TRPM6: variants seen among roughly 807,000 people sequenced by gnomAD.
The protein encoded by TRPM6 is channel kinase 2.
A neutral mutation model predicts 247.6 loss-of-function variants in TRPM6; 111 were observed. The observed-to-expected ratio is 0.45, with a 90% CI of 0.38 to 0.52. The LOEUF (loss-of-function observed/expected upper bound fraction) is 0.52. TRPM6 is among the 20% of genes least tolerant of loss of function. The probability of loss-of-function intolerance (pLI) is 0.00; values close to 1 mark genes in which losing one functional copy is unlikely to be tolerated. For synonymous variants in TRPM6, 892 were observed against 853.8 expected (o/e 1.04, Z -0.78); for missense variants, 2,126 against 2,421.5 (o/e 0.88, Z 2.56).
rs535297166 is a variant in TRPM6 at position 74,744,515 on chromosome 9, C to G, written c.5084-370G>C. 1.1e-4 allele frequency among the ~76,000 whole-genome samples: 17 copies of G among 152,214 alleles called. No homozygotes were observed. In the East Asian group the frequency reaches 3.3e-3, roughly 29 times the overall value. On this transcript the variant is annotated intron_variant, in intron 31 of 38. Coordinates refer to ENST00000360774, the MANE Select transcript of TRPM6 (RefSeq NM_017662.5). ...TGAGCTCCCTACCAAGATGCAGTGC[C>G]CGTAGAAAGACAGTATTAATACCAA...
intron 3 of TRPM6, among the ~76,000 whole-genome samples, chr9:74,854,154 T>A (rs1223186860): frequency 2.0e-5 from 3 of 152,130 alleles, no homozygotes; most frequent in African/African-American, 7.2e-5. Context: ...ATTAGGACAT[T>A]TGGCTCTCCC....
intron 38 of TRPM6, among the ~76,000 whole-genome samples, chr9:74,726,302 G>C (rs894821185): frequency 4.6e-5 from 7 of 152,164 alleles, no homozygotes; most frequent in Admixed American, 4.6e-4. Flanking sequence ...CTGAGGTCAA[G>C]AGTTCGAGAC....
intron 1 of TRPM6, 145 bp downstream of exon 1, chr9:74,887,679 C>A: frequency 4.4e-6 from 7 of 1,605,038 alleles, no homozygotes; most frequent in South Asian, 1.1e-5. Flanking sequence ...ACTTGAAAGC[C>A]GGTATTTCAT....
intron 1 of TRPM6, among the ~76,000 whole-genome samples, chr9:74,874,617 T>C (rs1318117604): frequency 6.6e-6 from 1 of 152,168 alleles, no homozygotes; most frequent in African/African-American, 2.4e-5. Flanking sequence ...TGAGAAGAAA[T>C]ATATTTTATC....
intron 20 of TRPM6, among the ~76,000 whole-genome samples, chr9:74,786,522 G>A (rs568076242): frequency 2.1e-4 from 32 of 149,660 alleles, no homozygotes; most frequent in Non-Finnish European, 2.7e-4. Flanking sequence ...GGTGGATCAC[G>A]GAGGTCAGGA....
chr9:74,758,903 C>T (rs1195142446), intron 27 of TRPM6, among the ~76,000 whole-genome samples: 2 of 152,070 alleles, frequency 1.3e-5, no homozygotes, highest in Non-Finnish European at 2.9e-5. Context: ...TACACAATAT[C>T]TACTCAAGTA....
chr9:74,822,535 G>A (rs898174352), intron 7 of TRPM6, among the ~76,000 whole-genome samples: 3 of 151,826 alleles, frequency 2.0e-5, no homozygotes, highest in African/African-American at 7.3e-5. Context: ...AATTACAGGT[G>A]TGAGCCACCA....
rs751214375 is a variant in TRPM6, at chr9:74,812,450, TAAGA to T, written c.1309-21_1309-18del. Reference sequence around the variant, plus strand: ...GGCATCAGGCTTCAGAAAGCACAAATAAGAAATATAAAGACAATTAAGAAAGTAG... The same window carrying T: ...GGCATCAGGCTTCAGAAAGCACAAATAATATAAAGACAATTAAGAAAGTAG... On this transcript the variant is annotated intron_variant, in intron 11 of 38. Coordinates refer to ENST00000360774, the MANE Select transcript of TRPM6 (RefSeq NM_017662.5). The T allele has an allele frequency of 1.9e-6, 3 of 1,606,150 alleles. No homozygotes were observed. The highest frequency in any genetic ancestry group is 2.5e-6 in the Non-Finnish European group (3 of 1,176,742).
chr9:74,756,792 T>A (rs886362671), intron 27 of TRPM6, among the ~76,000 whole-genome samples: 7 of 150,358 alleles, frequency 4.7e-5, no homozygotes, highest in African/African-American at 1.7e-4. Flanking sequence ...GAGGTTGCAA[T>A]AAGCTGAGAT....
chr9:74,850,509 C>T lies in TRPM6; in HGVS notation c.152+5018G>A, dbSNP rs967845569. Reference sequence around the variant, plus strand: ...CTGAGGTGGGTGGATCACATGAGGTCGGGAGTTCAAGACCAGCCTGGCCAA... The same window carrying T: ...CTGAGGTGGGTGGATCACATGAGGTTGGGAGTTCAAGACCAGCCTGGCCAA... On this transcript the variant is annotated intron_variant, in intron 3 of 38. Transcript: ENST00000360774. Among the ~76,000 whole-genome samples, 5 of 152,038 alleles carry T rather than the reference C, an allele frequency of 3.3e-5. No homozygotes were observed. The South Asian group carries it at 6.2e-4, about 19-fold the overall frequency.
intron 23 of TRPM6, among the ~76,000 whole-genome samples, chr9:74,778,466 G>C (rs1171771437): frequency 6.6e-6 from 1 of 152,236 alleles, no homozygotes; most frequent in African/African-American, 2.4e-5. Flanking sequence ...GGCTCAGGGG[G>C]CACCAGCTTT....
At chr9:74,817,001 G>C (rs915999438) in intron 9 of TRPM6, 37 bp from the exon 10 acceptor site, 3 of 1,533,290 alleles carry the variant, frequency 2.0e-6, no homozygotes, top group Non-Finnish European at 2.7e-6. Flanking sequence ...TACATTTGGG[G>C]AACTACCAAA....
At chr9:74,726,029 T>C (rs994060282) in intron 38 of TRPM6, among the ~76,000 whole-genome samples, 8 of 152,174 alleles carry the variant, frequency 5.3e-5, no homozygotes, top group African/African-American at 1.9e-4. Flanking sequence ...TAAAAAAATA[T>C]GAAGGGAAAC....
intron 37 of TRPM6, 129 bp from the exon 38 acceptor site, chr9:74,728,474 C>T: frequency 1.4e-6 from 1 of 703,004 alleles, no homozygotes; most frequent in South Asian, 1.6e-5. Flanking sequence ...AAAAACAGAG[C>T]ACTTTGGGGA....
Position 74,724,561 on chromosome 9 carries a change from C to T in TRPM6, c.*52G>A. The stretch of plus-strand genomic sequence containing the variant: ...TCACGTTGATCAATCTATGTTATCA[C>T]AGAGTTCCTGGCAGGCAGGGCAAGC... On this transcript the variant is annotated 3_prime_UTR_variant, in exon 39 of 39. Transcript: ENST00000360774. The T allele has an allele frequency of 1.9e-6, 3 of 1,613,376 alleles. No homozygotes were observed. The highest frequency in any genetic ancestry group is 2.5e-6 in the Non-Finnish European group (3 of 1,179,710).
Position 74,732,693 on chromosome 9 carries a change from T to C in TRPM6, c.5820A>G (p.Glu1940=), listed in dbSNP as rs771254698. The change falls in exon 37 of 39, where the codon GAA becomes GAG. Residue 1940 remains glutamate, a synonymous_variant. Coordinates refer to ENST00000360774, the MANE Select transcript of TRPM6 (RefSeq NM_017662.5). Reference sequence around the variant, plus strand: ...CACATAAATTAACTTACTGTTTGACTTCAGGTTTTATAACAGATGGATCTG... The same window carrying C: ...CACATAAATTAACTTACTGTTTGACCTCAGGTTTTATAACAGATGGATCTG... ...NLTDPSVIKP[E]VKQSRGMVFG... The C allele has an allele frequency of 1.0e-5, 16 of 1,607,406 alleles. No individual in the cohort carries two copies. The highest frequency in any genetic ancestry group is 1.3e-5 in the Non-Finnish European group (15 of 1,176,156).
intron 1 of TRPM6, among the ~76,000 whole-genome samples, chr9:74,876,272 C>T (rs1371738723): frequency 6.6e-6 from 1 of 152,102 alleles, no homozygotes; most frequent in Non-Finnish European, 1.5e-5. Context: ...TTAGTAGAGA[C>T]GGGGTTTCAT....
At chr9:74,749,547 A>G (rs889542461) in intron 30 of TRPM6, among the ~76,000 whole-genome samples, 3 of 152,242 alleles carry the variant, frequency 2.0e-5, no homozygotes, top group African/African-American at 7.2e-5. Flanking sequence ...GGACAAGCCT[A>G]CAAATCAGTT....
At chr9:74,878,741 C>T (rs1314930483) in intron 1 of TRPM6, among the ~76,000 whole-genome samples, 1 of 152,112 alleles carries the variant, frequency 6.6e-6, no homozygotes, top group East Asian at 1.9e-4. Flanking sequence ...TATGATACCT[C>T]CAAAGGAACA....
Sources: gnomAD v4.1 joint callset for allele counts (sites outside exome capture counted in the v4.1 genomes callset) on GRCh38, gnomAD v4.1.1 for gene constraint, MANE v1.5 for transcripts, NCBI Gene and HGNC (gene_info 2026-07-23, HGNC 2026-07-21) for gene names.